RBFOX1: variants seen among roughly 807,000 people sequenced by gnomAD.
RBFOX1 encodes RNA binding fox-1 homolog 1, also known as RNA binding protein fox-1 homolog 1.
A neutral mutation model predicts 57.7 loss-of-function variants in RBFOX1; 8 were observed. That is an observed-to-expected ratio of 0.14 (90% confidence interval 0.08 to 0.25). The LOEUF (loss-of-function observed/expected upper bound fraction) is 0.25, where lower values mean the gene tolerates loss of function less well. Among genes scored for constraint, RBFOX1 ranks in the 10% least tolerant of loss-of-function variants. The pLI, the probability that RBFOX1 is intolerant of heterozygous loss-of-function variation, is 1.00. For missense variants in RBFOX1, 611 were observed against 548.5 expected (o/e 1.11, Z -1.14); for synonymous variants, 326 against 222.4 (o/e 1.47, Z -4.15).
chr16:5,752,062 G>A (rs959595871), intron 3 of RBFOX1, among the ~76,000 whole-genome samples: 1 of 152,268 alleles, frequency 6.6e-6, no homozygotes, highest in Admixed American at 6.5e-5. Context: ...GAAAATGTAT[G>A]CATATACCAT....
At position 7,008,062 on chromosome 16, in the gene RBFOX1, C is replaced by T. The variant is rs559728897; in HGVS notation, c.-15-43995C>T. Among the ~76,000 whole-genome samples, 7 of 152,230 alleles carry T rather than the reference C, an allele frequency of 4.6e-5. No homozygotes were observed. In the East Asian group the frequency reaches 9.7e-4, roughly 21 times the overall value. On this transcript the variant is annotated intron_variant, in intron 3 of 15. Coordinates refer to ENST00000550418, the MANE Select transcript of RBFOX1 (RefSeq NM_018723.4). Reference sequence around the variant, plus strand: ...TTATCTATATTCAGTTGAGAGCAAACTTGGATCCAGTTTTCAGCCACAGCT... The same window carrying T: ...TTATCTATATTCAGTTGAGAGCAAATTTGGATCCAGTTTTCAGCCACAGCT...
chr16:7,406,023 C>T (rs1459507069), intron 4 of RBFOX1, among the ~76,000 whole-genome samples: 2 of 152,132 alleles, frequency 1.3e-5, no homozygotes, highest in African/African-American at 2.4e-5. Flanking sequence ...GAGCATATCC[C>T]CCACAACAAA....
chr16:7,458,822 C>G lies in RBFOX1; in HGVS notation c.28-59325C>G, dbSNP rs181914306. Among the ~76,000 whole-genome samples, 3 of 152,280 alleles carry G rather than the reference C, an allele frequency of 2.0e-5. 1 individual carries two copies. Among genetic ancestry groups the G allele is most frequent in the African/African-American group, 7.2e-5 (3 of 41,554 alleles). On this transcript the variant is annotated intron_variant, in intron 4 of 15. Transcript: ENST00000550418. ...CACCCTGTGTTCCTTTCCTAGCTGA[C>G]TTTTGCCATATTGCTTATCACCATT...
chr16:7,492,974 G>A (rs907180505), intron 4 of RBFOX1, among the ~76,000 whole-genome samples: 1 of 152,128 alleles, frequency 6.6e-6, no homozygotes. Context: ...CGCCTCCCAG[G>A]TTCAAGCGAT....
intron 3 of RBFOX1, among the ~76,000 whole-genome samples, chr16:6,986,451 A>G (rs1391486099): frequency 4.6e-5 from 7 of 152,030 alleles, no homozygotes; most frequent in Admixed American, 3.9e-4. Context: ...CCCCTGCCTC[A>G]GCCTCCCAAA....
chr16:6,738,823 C>T (rs2071214941), intron 3 of RBFOX1, among the ~76,000 whole-genome samples: 2 of 152,050 alleles, frequency 1.3e-5, no homozygotes, highest in Admixed American at 1.3e-4. Context: ...GAAATTAATT[C>T]ATAAAGAGAA....
chr16:5,894,748 G>A (rs1484475173), intron 4 of RBFOX1, among the ~76,000 whole-genome samples: 4 of 152,138 alleles, frequency 2.6e-5, no homozygotes, highest in Non-Finnish European at 4.4e-5. Context: ...AGGGCCAGGC[G>A]TGGTGGCTCA....
intron 4 of RBFOX1, among the ~76,000 whole-genome samples, chr16:7,402,055 T>C (rs1464085968): frequency 2.0e-5 from 3 of 152,380 alleles, no homozygotes; most frequent in East Asian, 1.9e-4. Flanking sequence ...ATTTTAATGA[T>C]GCAGAGTGTC....
chr16:6,974,019 C>T (rs2086198858), intron 3 of RBFOX1, among the ~76,000 whole-genome samples: 1 of 152,148 alleles, frequency 6.6e-6, no homozygotes, highest in Admixed American at 6.5e-5. Flanking sequence ...TAAGTAAGAA[C>T]ATATAGTATT....
At chr16:7,428,451 T>A (rs2098644456) in intron 4 of RBFOX1, among the ~76,000 whole-genome samples, 1 of 147,764 alleles carries the variant, frequency 6.8e-6, no homozygotes, top group Non-Finnish European at 1.5e-5. Context: ...CTCAGCCCCC[T>A]GAGTAGCTGG....
At chr16:5,666,815 T>C (rs1038291199) in intron 3 of RBFOX1, among the ~76,000 whole-genome samples, 1 of 152,180 alleles carries the variant, frequency 6.6e-6, no homozygotes, top group Non-Finnish European at 1.5e-5. Context: ...GATGTGACTT[T>C]TGTGGGGTAA....
At chr16:7,268,434 A>C (rs1447936921) in intron 4 of RBFOX1, among the ~76,000 whole-genome samples, 1 of 152,190 alleles carries the variant, frequency 6.6e-6, no homozygotes, top group African/African-American at 2.4e-5. Context: ...CTCTGGGAGA[A>C]GGAAGCAGGT....
rs759837636 is a variant in RBFOX1 at position 7,518,305 on chromosome 16, A to G, written c.186A>G (p.Thr62=). ...YTGQTTVPEH[T]LNLYPPAQTH... The stretch of plus-strand genomic sequence containing the variant: ...GCCAGACCACGGTTCCCGAGCACAC[A>G]TTAAACCTGTACCCTCCCGCCCAGA... The change falls in exon 5 of 16, where the codon ACA becomes ACG. Residue 62 remains threonine (T), a synonymous_variant. Coordinates refer to ENST00000550418, the MANE Select transcript of RBFOX1 (RefSeq NM_018723.4). 5.6e-6 allele frequency: 9 copies of G among 1,614,084 alleles called. No homozygotes were observed. Among genetic ancestry groups the G allele is most frequent in the African/African-American group, 1.3e-5 (1 of 75,030 alleles).
intron 2 of RBFOX1, among the ~76,000 whole-genome samples, chr16:6,372,570 G>T (rs149432087): frequency 8.9e-4 from 133 of 149,222 alleles, no homozygotes; most frequent in African/African-American, 3.0e-3. Context: ...AATGGAGATT[G>T]GGTGGAAGAG....
chr16:6,233,925 G>T (rs1415412386), intron 1 of RBFOX1, among the ~76,000 whole-genome samples: 2 of 152,128 alleles, frequency 1.3e-5, no homozygotes, highest in African/African-American at 2.4e-5. Context: ...AACTGATAAA[G>T]AACAGAAATG....
intron 3 of RBFOX1, among the ~76,000 whole-genome samples, chr16:5,832,492 G>A (rs1261206507): frequency 1.3e-5 from 2 of 152,198 alleles, no homozygotes; most frequent in East Asian, 3.9e-4. Flanking sequence ...CCCAGCTCTT[G>A]GGGCTGTTTC....
At chr16:7,014,453 G>C (rs1281259639) in intron 3 of RBFOX1, among the ~76,000 whole-genome samples, 1 of 150,862 alleles carries the variant, frequency 6.6e-6, no homozygotes, top group African/African-American at 2.4e-5. Flanking sequence ...TACCATGTTG[G>C]CCAGGCTGAT....
chr16:6,878,755 A>G (rs555597979), intron 3 of RBFOX1, among the ~76,000 whole-genome samples: 1 of 152,326 alleles, frequency 6.6e-6, no homozygotes, highest in East Asian at 1.9e-4. Flanking sequence ...TGAGAGTTTA[A>G]GGACCCTGAC....
At chr16:5,648,639 C>T (rs934140119) in intron 3 of RBFOX1, among the ~76,000 whole-genome samples, 8 of 152,028 alleles carry the variant, frequency 5.3e-5, no homozygotes, top group African/African-American at 1.7e-4. Flanking sequence ...CAAGAGTTGA[C>T]GCTGAGAAAC....
Sources: allele counts gnomAD v4.1 joint callset (sites outside exome capture counted in the v4.1 genomes callset), GRCh38; gene constraint gnomAD v4.1.1; transcripts MANE v1.5; gene names NCBI Gene and HGNC (gene_info 2026-07-23, HGNC 2026-07-21).